ARID5B: variants seen among roughly 807,000 people sequenced by gnomAD.
The protein encoded by ARID5B is AT-rich interactive domain-containing protein 5B.
In ARID5B, 13 loss-of-function variants were observed where a neutral mutation model predicts 97.2. The observed-to-expected ratio is 0.13, with a 90% confidence interval of 0.09 to 0.21. The LOEUF is 0.21. Among genes scored for constraint, ARID5B ranks in the 10% least tolerant of loss-of-function variants. The pLI, the probability that ARID5B is intolerant of heterozygous loss-of-function variation, is 1.00. For missense variants in ARID5B, 1,210 were observed against 1,465.3 expected, an observed-to-expected ratio of 0.83 and a Z score of 2.84; for synonymous variants, 556 against 570.3, an observed-to-expected ratio of 0.97 and a Z score of 0.36.
intron 3 of ARID5B, among the ~76,000 whole-genome samples, chr10:61,985,508 G>C (rs552095155): frequency 6.6e-6 from 1 of 151,820 alleles, no homozygotes; most frequent in Non-Finnish European, 1.5e-5. Flanking sequence ...TATATGAAAT[G>C]TCCAGAATAG....
intron 5 of ARID5B, among the ~76,000 whole-genome samples, chr10:62,053,689 C>T (rs1589276200): frequency 6.6e-6 from 1 of 152,196 alleles, no homozygotes; most frequent in East Asian, 1.9e-4. Context: ...TTTTTAATAT[C>T]CCGTATGCAT....
intron 4 of ARID5B, among the ~76,000 whole-genome samples, chr10:62,010,510 T>C (rs889711037): frequency 2.6e-5 from 4 of 152,238 alleles, no homozygotes; most frequent in African/African-American, 9.6e-5. Context: ...TCTTATCTCT[T>C]TTCCTGGATA....
chr10:62,008,092 A>G (rs1462914035), intron 4 of ARID5B, among the ~76,000 whole-genome samples: 1 of 134,714 alleles, frequency 7.4e-6, no homozygotes, highest in Non-Finnish European at 1.5e-5. Flanking sequence ...ACACACACAC[A>G]CACACACTGC....
At position 61,902,396 on chromosome 10, in the gene ARID5B, A is replaced by G; in HGVS notation, c.259A>G (p.Asn87Asp). The change falls in exon 2 of 10, where the codon AAT (asparagine) becomes GAT (aspartate). Residue 87 changes from asparagine (N) to aspartate (D), a missense_variant. Transcript: ENST00000279873. ...FLPEDTPQGRNSDHGEDEVIA... is the reference protein window; with the variant it reads ...FLPEDTPQGRDSDHGEDEVIA... ...CCCAGAAGACACTCCCCAGGGCAGA[A>G]ATAGCGACCATGGCGAGGTGGTAAA... The G allele has an allele frequency of 6.2e-7, 1 of 1,614,078 alleles. No homozygotes were observed. Among genetic ancestry groups the G allele is most frequent in the Non-Finnish European group, 8.5e-7 (1 of 1,179,930 alleles).
chr10:61,981,375 G>A (rs1385532366), intron 3 of ARID5B, among the ~76,000 whole-genome samples: 3 of 152,076 alleles, frequency 2.0e-5, no homozygotes, highest in South Asian at 2.1e-4. Context: ...TCTGCCTCCC[G>A]GGTTCAAGCG....
intron 4 of ARID5B, among the ~76,000 whole-genome samples, chr10:62,035,625 C>T (rs145531946): frequency 0.013 from 1,961 of 151,748 alleles, 48 homozygotes; most frequent in African/African-American, 0.045. Context: ...CGAGTAGCTG[C>T]GATCACAGGC....
intron 7 of ARID5B, among the ~76,000 whole-genome samples, chr10:62,061,153 T>G (rs1369776661): frequency 1.3e-5 from 2 of 152,172 alleles, no homozygotes; most frequent in Non-Finnish European, 2.9e-5. Flanking sequence ...ATTTCAGTCC[T>G]TAAGTTGCTT....
At chr10:62,047,114 C>T (rs151262755) in intron 4 of ARID5B, among the ~76,000 whole-genome samples, 375 of 152,214 alleles carry the variant, frequency 2.5e-3, no homozygotes, top group Non-Finnish European at 4.3e-3. Context: ...CTTCTGCTGC[C>T]AGTAACCATT....
At position 61,928,817 on chromosome 10, in the gene ARID5B, T is replaced by C. The variant is rs768327445; in HGVS notation, c.277-11366T>C. On this transcript the variant is annotated intron_variant, in intron 2 of 9. Coordinates refer to ENST00000279873, the MANE Select transcript of ARID5B (RefSeq NM_032199.3). ...TCTTGGATTCCGAGTGGCAACTACT[T>C]ATCTGTAGTGTGAAACCTTTTTACT... is the stretch of plus-strand genomic sequence containing the variant. Among the ~76,000 whole-genome samples, 34 of 152,218 alleles carry C rather than the reference T, an allele frequency of 2.2e-4. 1 individual carries two copies. The highest frequency in any genetic ancestry group is 4.3e-4 in the Non-Finnish European group (29 of 68,042).
intron 4 of ARID5B, among the ~76,000 whole-genome samples, chr10:62,014,302 C>T (rs760217699): frequency 5.9e-5 from 9 of 152,106 alleles, no homozygotes; most frequent in Non-Finnish European, 1.3e-4. Context: ...AAGTTGGTTG[C>T]AGTGGTAATG....
intron 4 of ARID5B, among the ~76,000 whole-genome samples, chr10:62,032,172 A>G (rs1484587679): frequency 6.6e-6 from 1 of 152,140 alleles, no homozygotes; most frequent in African/African-American, 2.4e-5. Context: ...ATAAAAAAGT[A>G]GTCAGGTGTG....
At chr10:62,059,363 T>C in intron 7 of ARID5B, 68 bp downstream of exon 7, 2 of 1,360,152 alleles carry the variant, frequency 1.5e-6, no homozygotes, top group South Asian at 1.2e-5. Flanking sequence ...TTGACCAAAA[T>C]GGAGAACATG....
intron 3 of ARID5B, among the ~76,000 whole-genome samples, chr10:61,951,172 G>T (rs1434025794): frequency 6.6e-6 from 1 of 152,200 alleles, no homozygotes; most frequent in Non-Finnish European, 1.5e-5. Flanking sequence ...TGGACTTTTA[G>T]CTTATTTTAA....
intron 3 of ARID5B, among the ~76,000 whole-genome samples, chr10:61,942,389 T>A (rs1454561330): frequency 6.6e-6 from 1 of 152,198 alleles, no homozygotes; most frequent in Non-Finnish European, 1.5e-5. Context: ...ATTTAGTTGC[T>A]TATTAGACTC....
intron 2 of ARID5B, among the ~76,000 whole-genome samples, chr10:61,931,553 G>C (rs892349857): frequency 6.6e-6 from 1 of 152,080 alleles, no homozygotes; most frequent in African/African-American, 2.4e-5. Flanking sequence ...ACACTATTAC[G>C]AGAATTTTAA....
At chr10:61,980,552 C>G (rs1047758069) in intron 3 of ARID5B, among the ~76,000 whole-genome samples, 7 of 152,312 alleles carry the variant, frequency 4.6e-5, no homozygotes, top group African/African-American at 1.7e-4. Flanking sequence ...ATTTGTCTCT[C>G]TTAAACAATG....
At chr10:61,939,670 A>C (rs1244477782) in intron 2 of ARID5B, among the ~76,000 whole-genome samples, 2 of 152,226 alleles carry the variant, frequency 1.3e-5, no homozygotes, top group African/African-American at 2.4e-5. Flanking sequence ...TTTAATTTTT[A>C]GGACAAAAGT....
chr10:61,967,731 A>G (rs1838565800), intron 3 of ARID5B, among the ~76,000 whole-genome samples: 1 of 152,144 alleles, frequency 6.6e-6, no homozygotes, highest in African/African-American at 2.4e-5. Context: ...CTCCAAAAAT[A>G]CCTTTCTGGC....
intron 3 of ARID5B, among the ~76,000 whole-genome samples, chr10:61,942,922 G>C (rs1288195222): frequency 6.6e-6 from 1 of 152,160 alleles, no homozygotes; most frequent in Non-Finnish European, 1.5e-5. Context: ...CAACAGGAGA[G>C]TTGATTGGGA....
Sources: allele counts gnomAD v4.1 joint callset (sites outside exome capture counted in the v4.1 genomes callset), GRCh38; gene constraint gnomAD v4.1.1; transcripts MANE v1.5; gene names NCBI Gene and HGNC (gene_info 2026-07-23, HGNC 2026-07-21).